MAP3K9: variants seen among roughly 807,000 people sequenced by gnomAD.
MAP3K9 encodes mitogen-activated protein kinase kinase kinase 9.
Under a neutral mutation model 95.8 loss-of-function variants are expected in MAP3K9, and 46 were observed. That is an observed-to-expected ratio of 0.48 (90% CI 0.38 to 0.61). The LOEUF is 0.61. MAP3K9 is among the 20% of genes least tolerant of loss of function. The pLI, the probability that MAP3K9 is intolerant of heterozygous loss-of-function variation, is 0.00. For missense variants in MAP3K9, 1,296 were observed against 1,474.3 expected, an observed-to-expected ratio of 0.88 and a Z score of 1.98; for synonymous variants, 533 against 593.8, an observed-to-expected ratio of 0.90 and a Z score of 1.49.
intron 1 of MAP3K9, among the ~76,000 whole-genome samples, chr14:70,803,822 T>C (rs1776205788): frequency 6.6e-6 from 1 of 152,228 alleles, no homozygotes; most frequent in Non-Finnish European, 1.5e-5. Flanking sequence ...ATCCATTCCA[T>C]AATCCTTCTA....
intron 3 of MAP3K9, among the ~76,000 whole-genome samples, chr14:70,750,319 C>T (rs1445200537): frequency 2.0e-5 from 3 of 152,204 alleles, no homozygotes; most frequent in Admixed American, 6.5e-5. Context: ...AGCTATATGA[C>T]CTTGGGCAAG....
Position 70,733,129 on chromosome 14 carries a change from C to T in MAP3K9, c.2240G>A (p.Arg747His), listed in dbSNP as rs372217059. ...GCCGAGCAGAGCCACCTCGCAGCGG[C>T]GGTGGTGGGCACCGCCCCGCTTGAG... ...NSLKRGGAHH[R>H]RCEVALLGCG... Residue 747 changes from arginine to histidine, a missense_variant, in exon 11 of 12, where the codon CGC becomes CAC. Transcript: ENST00000554752. 25 of 1,613,662 alleles carry T rather than the reference C, an allele frequency of 1.5e-5. No individual in the cohort carries two copies. The highest frequency in any genetic ancestry group is 9.3e-5 in the African/African-American group (7 of 74,918).
Position 70,758,024 on chromosome 14 carries a change from A to G in MAP3K9, c.1001+2978T>C, listed in dbSNP as rs565793898. 5.9e-5 allele frequency among the ~76,000 whole-genome samples: 9 copies of G among 152,306 alleles called. No homozygotes were observed. The South Asian group carries it at 1.7e-3, about 28-fold the overall frequency. On this transcript the variant is annotated intron_variant, in intron 3 of 11. Transcript: ENST00000554752. The stretch of plus-strand genomic sequence containing the variant: ...GTTTTTTAGATATGACACCAAAAGC[A>G]CAATCCACAGATGATAAAATAAACT...
rs2053801754 is a variant in MAP3K9 at position 70,725,071 on chromosome 14, C to T, written c.*5309G>A. The stretch of plus-strand genomic sequence containing the variant: ...AGGCAGGTCTGTTTCCAAGGGTTAA[C>T]AAAGAGAGGTGTGGAAAAGCTCAGC... On this transcript the variant is annotated 3_prime_UTR_variant, in exon 12 of 12. Transcript: ENST00000554752. The T allele has an allele frequency of 6.6e-6, 1 of 152,328 alleles. No homozygotes were observed. The highest frequency in any genetic ancestry group is 2.1e-4 in the South Asian group (1 of 4,824). 9.4% of individuals were successfully genotyped at this position (152,328 alleles called of 1,614,324 possible).
Position 70,733,193 on chromosome 14 carries a change from A to C in MAP3K9, c.2176T>G (p.Ser726Ala). Residue 726 changes from serine to alanine, a missense_variant, in exon 11 of 12, where the codon TCG (serine) becomes GCG (alanine). Physicochemically the swap from Ser to Ala is moderately conservative, Grantham distance 99. Transcript: ENST00000554752. ...GTCAGCTGAGGGGTACTCGTGGCCG[A>C]GTTGACTGGGGTGGGCTCCTCATGG... ...GIHEEPTPVN[S>A]ATSTPQLTPT... is the part of the protein sequence containing the mutation. 1 of 1,610,508 alleles carries C rather than the reference A, an allele frequency of 6.2e-7. No individual in the cohort carries two copies. Among genetic ancestry groups the C allele is most frequent in the Non-Finnish European group, 8.5e-7 (1 of 1,177,428 alleles).
chr14:70,805,305 A>T (rs1198491595), intron 1 of MAP3K9, among the ~76,000 whole-genome samples: 1 of 152,258 alleles, frequency 6.6e-6, no homozygotes, highest in Non-Finnish European at 1.5e-5. Flanking sequence ...TAGATAATAA[A>T]AAACATAAAC....
intron 1 of MAP3K9, among the ~76,000 whole-genome samples, chr14:70,808,443 G>T (rs533232648): frequency 2.6e-5 from 4 of 151,650 alleles, no homozygotes; most frequent in Non-Finnish European, 5.9e-5. Flanking sequence ...GGGCGGCGGG[G>T]GGGTGGGTAA....
At chr14:70,770,357 T>A (rs1156999803) in intron 2 of MAP3K9, among the ~76,000 whole-genome samples, 2 of 151,934 alleles carry the variant, frequency 1.3e-5, no homozygotes, top group African/African-American at 4.8e-5. Flanking sequence ...CTTTTTTTTT[T>A]ATTTTTAGTA....
chr14:70,751,035 C>G (rs116714035), intron 3 of MAP3K9, among the ~76,000 whole-genome samples: 1 of 126,534 alleles, frequency 7.9e-6, no homozygotes, highest in Non-Finnish European at 1.6e-5. Context: ...CCCAGATCAG[C>G]GTGAGTGGGT....
At chr14:70,778,543 A>C (rs1210320743) in intron 2 of MAP3K9, among the ~76,000 whole-genome samples, 4 of 152,028 alleles carry the variant, frequency 2.6e-5, no homozygotes, top group Non-Finnish European at 5.9e-5. Context: ...CCCAAAGTGC[A>C]GGGGTTACAG....
chr14:70,731,237 G>A (rs2053898428), intron 11 of MAP3K9, among the ~76,000 whole-genome samples: 1 of 151,940 alleles, frequency 6.6e-6, no homozygotes, highest in Non-Finnish European at 1.5e-5. Flanking sequence ...CTTAACCCCA[G>A]GAGTTCAAGA....
intron 5 of MAP3K9, 99 bp from the exon 6 acceptor site, chr14:70,742,690 C>T: frequency 7.3e-7 from 1 of 1,375,646 alleles, no homozygotes; most frequent in African/African-American, 1.4e-5. Context: ...TTATGGTGAC[C>T]TGGAGAGCTC....
intron 2 of MAP3K9, among the ~76,000 whole-genome samples, chr14:70,795,669 G>A (rs2054856478): frequency 1.3e-5 from 2 of 152,032 alleles, no homozygotes; most frequent in Non-Finnish European, 2.9e-5. Flanking sequence ...TAAAAGTAAT[G>A]AGAATACCTT....
chr14:70,734,420 C>T lies in MAP3K9; in HGVS notation c.1992G>A (p.Pro664=), dbSNP rs555483404. 6.8e-6 allele frequency: 11 copies of T among 1,614,070 alleles called. No individual in the cohort carries two copies. The highest frequency in any genetic ancestry group is 4.5e-5 in the East Asian group (2 of 44,882). The change falls in exon 10 of 12, where the codon CCG becomes CCA. Residue 664 remains proline (P), a synonymous_variant. Coordinates refer to ENST00000554752, the MANE Select transcript of MAP3K9 (RefSeq NM_001284230.2). ...PNLVKGPRSS[P]ALPGFTSLME... ...TAAGGCTGGTGAACCCTGGCAGGGC[C>T]GGGCTACTCCTTGGGCCCTTCACCA...
chr14:70,801,970 G>T (rs2054935287), intron 1 of MAP3K9, among the ~76,000 whole-genome samples: 1 of 152,180 alleles, frequency 6.6e-6, no homozygotes, highest in South Asian at 2.1e-4. Context: ...CTTGTTGAGG[G>T]TAACCAGGCC....
intron 2 of MAP3K9, among the ~76,000 whole-genome samples, chr14:70,777,590 G>T (rs1392173153): frequency 6.6e-6 from 1 of 152,198 alleles, no homozygotes; most frequent in African/African-American, 2.4e-5. Flanking sequence ...AAACCAGTCT[G>T]ATGCTATTAA....
chr14:70,784,297 A>G (rs2054720323), intron 2 of MAP3K9, among the ~76,000 whole-genome samples: 1 of 152,042 alleles, frequency 6.6e-6, no homozygotes, highest in Admixed American at 6.6e-5. Flanking sequence ...ACAAAAAAAA[A>G]TACTAAAATA....
intron 11 of MAP3K9, 48 bp downstream of exon 11, chr14:70,732,491 C>A: frequency 6.6e-7 from 1 of 1,507,796 alleles, no homozygotes; most frequent in East Asian, 2.3e-5. Flanking sequence ...ATCTTCACTC[C>A]CTGAGGAGGC....
At position 70,809,186 on chromosome 14, in the gene MAP3K9, A is replaced by T. The variant is rs2055038061; in HGVS notation, c.-15T>A. 1 of 1,326,778 alleles carries T rather than the reference A, an allele frequency of 7.5e-7. No homozygotes were observed. Among genetic ancestry groups the T allele is most frequent in the Non-Finnish European group, 9.6e-7 (1 of 1,046,298 alleles). 82.2% of individuals were successfully genotyped at this position (1,326,778 alleles called of 1,614,324 possible). A position where few individuals can be genotyped will look rare whatever the true frequency, so the allele number is the denominator to read the frequency against. On this transcript the variant is annotated 5_prime_UTR_variant, in exon 1 of 12. An upstream start codon of the reference 5' UTR is lost. Transcript: ENST00000554752. ...GAGGGCTCCATGGAGCGGCCGATCC[A>T]TAGGGTGCGGGGCCGCCGCCGCCCG...
Sources: gnomAD v4.1 joint callset for allele counts (sites outside exome capture counted in the v4.1 genomes callset) on GRCh38, gnomAD v4.1.1 for gene constraint, MANE v1.5 for transcripts, NCBI Gene and HGNC (gene_info 2026-07-23, HGNC 2026-07-21) for gene names.